The following ABLIM1 variants were observed in gnomAD, a reference collection of about 807,000 sequenced individuals.
ABLIM1 encodes the protein actin binding LIM protein 1, also known as actin-binding LIM protein 1.
In ABLIM1, 40 loss-of-function variants were observed where a neutral mutation model predicts 107.0. The ratio of observed to expected loss-of-function variants is 0.37; its 90% CI spans 0.29 to 0.49. ABLIM1 has a LOEUF of 0.49. Ranked by LOEUF, ABLIM1 falls within the 20% of genes least tolerant of loss-of-function variation. The probability of loss-of-function intolerance (pLI) is 0.97; values close to 1 mark genes in which losing one functional copy is unlikely to be tolerated. For synonymous variants in ABLIM1, 357 were observed against 357.3 expected (o/e 1.00, Z 0.01); for missense variants, 857 against 1,008.5 (o/e 0.85, Z 2.04).
chr10:114,751,793 G>A (rs955783319), intron 1 of ABLIM1, among the ~76,000 whole-genome samples: 2 of 149,874 alleles, frequency 1.3e-5, no homozygotes, highest in African/African-American at 2.5e-5. Context: ...TACAACAAAC[G>A]AACTCATGCA....
the ABLIM1 span, among the ~76,000 whole-genome samples, chr10:114,787,170 G>A: frequency 3.3e-5 from 5 of 151,240 alleles, no homozygotes; most frequent in South Asian, 2.1e-4. Context: ...TGTGAGGAGC[G>A]TCTCTGCCCG....
In ABLIM1 at chr10:114,757,396, C is replaced by G. The variant is rs557406308; in HGVS notation, c.-213+10665G>C. On this transcript the variant is annotated intron_variant, in intron 1 of 15. Transcript: ENST00000651092. ...GTAAAATAGGAATAATAAATATTTT[C>G]ATAGAAGGCTGACTAAGAAACATTT... Among the ~76,000 whole-genome samples, 3 of 152,280 alleles carry G rather than the reference C, an allele frequency of 2.0e-5. No homozygotes were observed. In the South Asian group the frequency reaches 6.2e-4, roughly 32 times the overall value.
intron 6 of ABLIM1, among the ~76,000 whole-genome samples, chr10:114,541,053 A>G (rs2066593641): frequency 6.6e-6 from 1 of 152,200 alleles, no homozygotes; most frequent in Admixed American, 6.5e-5. Context: ...AGGGAACTGT[A>G]ACAGAGAAAA....
At chr10:114,701,086 T>A (rs1018086303) in intron 1 of ABLIM1, among the ~76,000 whole-genome samples, 1 of 152,028 alleles carries the variant, frequency 6.6e-6, no homozygotes, top group Middle Eastern at 3.4e-3. Flanking sequence ...CTCCTACAAC[T>A]CAATAAGAAA....
intron 4 of ABLIM1, among the ~76,000 whole-genome samples, chr10:114,555,764 T>A (rs1201168740): frequency 6.6e-6 from 1 of 152,128 alleles, no homozygotes; most frequent in Non-Finnish European, 1.5e-5. Context: ...ATAAAACATT[T>A]AAAAAATCAA....
intron 1 of ABLIM1, among the ~76,000 whole-genome samples, chr10:114,719,849 T>C (rs1319447338): frequency 1.3e-5 from 2 of 152,212 alleles, no homozygotes; most frequent in Admixed American, 6.5e-5. Flanking sequence ...TCCTTCAGAA[T>C]AATTCTCAAT....
rs142143130 is a variant in ABLIM1, at chr10:114,562,873, A to G, written c.673+8424T>C. Among the ~76,000 whole-genome samples the G allele has an allele frequency of 1.9e-3, 295 of 152,286 alleles. 1 individual carries two copies. Among genetic ancestry groups the G allele is most frequent in the African/African-American group, 5.8e-3 (242 of 41,570 alleles). ...AAAGAAAAAAACCCCAAACAAACAA[A>G]AAAACCAGTCCTTGCCGTTCAGTAG... is the stretch of plus-strand genomic sequence containing the variant. On this transcript the variant is annotated intron_variant, in intron 4 of 22. Transcript: ENST00000533213.
intron 1 of ABLIM1, among the ~76,000 whole-genome samples, chr10:114,715,049 A>C (rs534975363): frequency 3.3e-5 from 5 of 152,182 alleles, no homozygotes; most frequent in Non-Finnish European, 7.3e-5. Flanking sequence ...AAAACCCCCA[A>C]ATCAAAGCAG....
At chr10:114,610,635 GC>G (rs1566091813) in intron 1 of ABLIM1, 1 of 152,094 alleles carries the variant, frequency 6.6e-6, no homozygotes, top group Non-Finnish European at 1.5e-5. Flanking sequence ...TTACCTAAAG[GC>G]CCATTTCCTG....
At chr10:114,464,342 T>C (rs913197140) in intron 12 of ABLIM1, among the ~76,000 whole-genome samples, 2 of 152,064 alleles carry the variant, frequency 1.3e-5, no homozygotes, top group Non-Finnish European at 2.9e-5. Flanking sequence ...CATGCCACCA[T>C]GCCCAGCTAA....
At chr10:114,747,327 T>C (rs2082405481) in intron 1 of ABLIM1, among the ~76,000 whole-genome samples, 1 of 152,160 alleles carries the variant, frequency 6.6e-6, no homozygotes, top group Non-Finnish European at 1.5e-5. Context: ...CACGGGGACA[T>C]GGAAGCTTTC....
At chr10:114,710,833 T>C (rs2081532806) in intron 1 of ABLIM1, among the ~76,000 whole-genome samples, 1 of 152,226 alleles carries the variant, frequency 6.6e-6, no homozygotes, top group South Asian at 2.1e-4. Context: ...ATATTTTGGC[T>C]TTCCAGAAAG....
chr10:114,440,316 G>A (rs1033313856), intron 19 of ABLIM1, among the ~76,000 whole-genome samples: 2 of 152,228 alleles, frequency 1.3e-5, no homozygotes, highest in East Asian at 1.9e-4. Flanking sequence ...GGAAGCTTTC[G>A]CTGACAACCT....
chr10:114,462,854 A>T (rs535614226), intron 12 of ABLIM1, among the ~76,000 whole-genome samples: 2 of 152,230 alleles, frequency 1.3e-5, no homozygotes, highest in East Asian at 1.9e-4. Context: ...CTTAGAAGTG[A>T]CATATTTCTC....
chr10:114,461,369 C>T (rs558346775), intron 12 of ABLIM1, among the ~76,000 whole-genome samples: 1 of 147,420 alleles, frequency 6.8e-6, no homozygotes, highest in African/African-American at 2.5e-5. Flanking sequence ...ATATTAAAGT[C>T]TCTTTAAAAT....
chr10:114,436,333 A>G lies in ABLIM1; in HGVS notation c.2264T>C (p.Met755Thr). The G allele has an allele frequency of 1.9e-6, 3 of 1,614,024 alleles. No homozygotes were observed. The highest frequency in any genetic ancestry group is 1.7e-6 in the Non-Finnish European group (2 of 1,179,970). ...APEVFREIFG[M>T]SIQEFDRLPL... ...TAACCTGTCAAACTCCTGTATGGAC[A>G]TTCCAAAGATTTCCCGAAACACTTC... The change falls in exon 23 of 23, where the codon ATG becomes ACG. Residue 755 changes from methionine to threonine, a missense_variant. This residue lies in a region of ABLIM1 where 193 missense variants were observed against 208.5 expected (regional missense o/e 0.93). Coordinates refer to ENST00000533213, the MANE Select transcript of ABLIM1 (RefSeq NM_002313.7).
At chr10:114,552,586 G>T (rs1034006587) in intron 4 of ABLIM1, among the ~76,000 whole-genome samples, 3 of 151,786 alleles carry the variant, frequency 2.0e-5, no homozygotes, top group Non-Finnish European at 2.9e-5. Context: ...GCAGGGATTT[G>T]GCTACTCACG....
At chr10:114,679,572 T>G (rs754240400) in intron 1 of ABLIM1, among the ~76,000 whole-genome samples, 32 of 148,470 alleles carry the variant, frequency 2.2e-4, no homozygotes, top group Non-Finnish European at 4.1e-4. Flanking sequence ...GAGGTGGAGG[T>G]TGCAGTGAGC....
intron 4 of ABLIM1, among the ~76,000 whole-genome samples, chr10:114,565,937 G>T (rs2070669693): frequency 6.6e-6 from 1 of 151,804 alleles, no homozygotes; most frequent in South Asian, 2.1e-4. Context: ...TGGGACTATA[G>T]GCGCCCGCCA....
Sources: allele counts gnomAD v4.1 joint callset (sites outside exome capture counted in the v4.1 genomes callset), GRCh38; gene constraint gnomAD v4.1.1; regional missense constraint gnomAD v4.1.1; transcripts MANE v1.5; gene names NCBI Gene and HGNC (gene_info 2026-07-23, HGNC 2026-07-21).